Variants in RPS6KA2 observed in about 807,000 individuals in gnomAD.
The protein encoded by RPS6KA2 is ribosomal protein S6 kinase alpha-2.
RPS6KA2 carries 42 observed loss-of-function variants against 91.8 expected under a neutral mutation model. That is an observed-to-expected ratio of 0.46 (90% CI 0.36 to 0.59). The LOEUF is 0.59. RPS6KA2 is among the 20% of genes least tolerant of loss of function. RPS6KA2 has a pLI of 0.00. For synonymous variants in RPS6KA2, 414 were observed against 393.6 expected (o/e 1.05, Z -0.61); for missense variants, 798 against 978.5 (o/e 0.82, Z 2.46).
At chr6:166,776,997 T>C (rs1038135363) in intron 2 of RPS6KA2, among the ~76,000 whole-genome samples, 2 of 152,240 alleles carry the variant, frequency 1.3e-5, no homozygotes, top group African/African-American at 4.8e-5. Context: ...GAGAAATGTC[T>C]ACTTAAGCCC....
chr6:166,756,702 C>T (rs899144836), intron 2 of RPS6KA2, among the ~76,000 whole-genome samples: 5 of 152,090 alleles, frequency 3.3e-5, no homozygotes, highest in Non-Finnish European at 7.4e-5. Flanking sequence ...CAAAATTAGC[C>T]AGGCATGGTG....
chr6:166,646,122 A>T (rs1787593659), intron 2 of RPS6KA2, among the ~76,000 whole-genome samples: 1 of 152,222 alleles, frequency 6.6e-6, no homozygotes, highest in Admixed American at 6.5e-5. Context: ...GTCCCTGAGC[A>T]CTGAACCCAT....
intron 6 of RPS6KA2, 143 bp downstream of exon 6, chr6:166,504,363 C>T (rs1782123992): frequency 1.6e-5 from 9 of 556,118 alleles, no homozygotes; most frequent in Non-Finnish European, 2.8e-5. Context: ...GCCGGTCCTG[C>T]CGGCACAAGA....
At chr6:166,674,961 G>C (rs1399122826) in intron 2 of RPS6KA2, among the ~76,000 whole-genome samples, 1 of 152,204 alleles carries the variant, frequency 6.6e-6, no homozygotes, top group Non-Finnish European at 1.5e-5. Flanking sequence ...GAGCCACTGT[G>C]CCTGGCGAAA....
chr6:166,559,449 C>T (rs1275366019), intron 1 of RPS6KA2, among the ~76,000 whole-genome samples: 5 of 152,128 alleles, frequency 3.3e-5, no homozygotes, highest in Non-Finnish European at 7.3e-5. Flanking sequence ...CACATCAGAG[C>T]CAAGCCAAAT....
rs1348521292 is a variant in RPS6KA2, at chr6:166,821,389, C to T, written c.123+36811G>A. 6.6e-6 allele frequency among the ~76,000 whole-genome samples: 1 copy of T among 152,106 alleles called. No homozygotes were observed. Among genetic ancestry groups the T allele is most frequent in the Non-Finnish European group, 1.5e-5 (1 of 68,022 alleles). On this transcript the variant is annotated intron_variant, in intron 2 of 21. Transcript: ENST00000503859. This position sits in a 1 kb window ranked among gnomAD's most constrained non-coding sequence, Gnocchi z 4.1. ...GCTCAGGCCCTGTGGGTGCGCTTCA[C>T]ATGCGTGGGGCTGTAGGATGGAGGG... is the stretch of plus-strand genomic sequence containing the variant.
intron 5 of RPS6KA2, among the ~76,000 whole-genome samples, chr6:166,505,097 G>A (rs911635737): frequency 2.6e-5 from 4 of 152,118 alleles, no homozygotes; most frequent in Admixed American, 2.6e-4. Context: ...CAAACTAGTA[G>A]CCTACGTAAC....
intron 1 of RPS6KA2, among the ~76,000 whole-genome samples, chr6:166,576,011 A>C (rs1245731682): frequency 1.3e-5 from 2 of 152,150 alleles, no homozygotes; most frequent in African/African-American, 4.8e-5. Context: ...TGAATCATAG[A>C]GGTGGTTTCC....
chr6:166,413,720 T>C, intron 20 of RPS6KA2, 74 bp downstream of exon 20: 2 of 1,499,542 alleles, frequency 1.3e-6, no homozygotes, highest in South Asian at 1.2e-5. Flanking sequence ...TTCTTCGGAG[T>C]GATTGCAAGG....
chr6:166,430,166 C>T (rs1779070936), intron 16 of RPS6KA2, among the ~76,000 whole-genome samples: 1 of 151,766 alleles, frequency 6.6e-6, no homozygotes. Flanking sequence ...GACAGGGTTT[C>T]ACCATGTTGG....
At chr6:166,515,503 T>A (rs915732750) in intron 3 of RPS6KA2, among the ~76,000 whole-genome samples, 1 of 152,204 alleles carries the variant, frequency 6.6e-6, no homozygotes, top group Non-Finnish European at 1.5e-5. Flanking sequence ...CTTGTTTTAT[T>A]AACCATGACT....
intron 2 of RPS6KA2, among the ~76,000 whole-genome samples, chr6:166,705,828 T>G (rs1259205371): frequency 6.6e-6 from 1 of 152,228 alleles, no homozygotes; most frequent in Non-Finnish European, 1.5e-5. Context: ...ACTGAATGTT[T>G]GTGTCTCCCC....
At chr6:166,754,955 T>C (rs906875416) in intron 2 of RPS6KA2, among the ~76,000 whole-genome samples, 2 of 152,124 alleles carry the variant, frequency 1.3e-5, no homozygotes, top group African/African-American at 4.8e-5. Flanking sequence ...CTCAGCCTCC[T>C]CATGTGTGCA....
At chr6:166,620,512 A>C (rs1786585250) in intron 1 of RPS6KA2, among the ~76,000 whole-genome samples, 1 of 152,248 alleles carries the variant, frequency 6.6e-6, no homozygotes, top group African/African-American at 2.4e-5. Context: ...TCAAAGATTA[A>C]ACCATCATTG....
chr6:166,707,446 G>A (rs1562393870), intron 2 of RPS6KA2, among the ~76,000 whole-genome samples: 1 of 152,230 alleles, frequency 6.6e-6, no homozygotes, highest in Non-Finnish European at 1.5e-5. Flanking sequence ...CAGTTTCAAT[G>A]GAGCAGTGAG....
chr6:166,761,328 A>G (rs1247355417), intron 2 of RPS6KA2, among the ~76,000 whole-genome samples: 1 of 152,240 alleles, frequency 6.6e-6, no homozygotes, highest in East Asian at 1.9e-4. Flanking sequence ...TACAGGCATG[A>G]GCCACCACAC....
chr6:166,554,343 C>G lies in RPS6KA2; in HGVS notation c.100-15559G>C, dbSNP rs1784115500. Among the ~76,000 whole-genome samples the G allele has an allele frequency of 6.6e-6, 1 of 152,238 alleles. No homozygotes were observed. The highest frequency in any genetic ancestry group is 1.5e-5 in the Non-Finnish European group (1 of 68,042). On this transcript the variant is annotated intron_variant, in intron 1 of 20. Transcript: ENST00000265678. The surrounding 1 kb of genome is among the most constrained non-coding windows in gnomAD (Gnocchi z 4.3). The stretch of plus-strand genomic sequence containing the variant: ...GTCTTAAGACTAACATATTCCCAGA[C>G]TGTCAGGCCAGTTTTATGAAGCTGA...
At chr6:166,473,583 T>G (rs1780850976) in intron 10 of RPS6KA2, among the ~76,000 whole-genome samples, 1 of 152,200 alleles carries the variant, frequency 6.6e-6, no homozygotes, top group Non-Finnish European at 1.5e-5. Context: ...GATTCTAAAT[T>G]CTCAGCAGGT....
intron 11 of RPS6KA2, among the ~76,000 whole-genome samples, chr6:166,467,865 A>C (rs1780601590): frequency 6.6e-6 from 1 of 152,250 alleles, no homozygotes; most frequent in Non-Finnish European, 1.5e-5. Flanking sequence ...CAGCCCTGGA[A>C]AGTGCCTGAG....
Sources: gnomAD v4.1 joint callset for allele counts (sites outside exome capture counted in the v4.1 genomes callset) on GRCh38, gnomAD v4.1.1 for gene constraint, Gnocchi (gnomAD v3.1) non-coding constraint, MANE v1.5 for transcripts, NCBI Gene and HGNC (gene_info 2026-07-23, HGNC 2026-07-21) for gene names.